Variants in FREM2 observed in about 807,000 individuals in gnomAD.
FREM2 encodes the protein FRAS1-related extracellular matrix protein 2.
A neutral mutation model predicts 219.9 loss-of-function variants in FREM2; 119 were observed. That is an observed-to-expected ratio of 0.54 (90% CI 0.47 to 0.63). The LOEUF is 0.63. Ranked by LOEUF, FREM2 falls within the 30% of genes least tolerant of loss-of-function variation. The pLI, the probability that FREM2 is intolerant of heterozygous loss-of-function variation, is 0.00. For synonymous variants in FREM2, 1,562 were observed against 1,522.8 expected (o/e 1.03, Z -0.60); for missense variants, 4,030 against 3,993.6 (o/e 1.01, Z -0.25).
chr13:38,706,555 A>G (rs1468753584), intron 2 of FREM2, among the ~76,000 whole-genome samples: 1 of 151,954 alleles, frequency 6.6e-6, no homozygotes, highest in South Asian at 2.1e-4. Flanking sequence ...GTGTGTATGT[A>G]GATACTCCTA....
intron 16 of FREM2, among the ~76,000 whole-genome samples, chr13:38,867,953 A>T (rs991952156): frequency 2.0e-5 from 3 of 152,178 alleles, no homozygotes; most frequent in Non-Finnish European, 4.4e-5. Context: ...ACTCTCATGG[A>T]CACACCCAGA....
At chr13:38,844,988 A>G (rs1877097940) in intron 6 of FREM2, among the ~76,000 whole-genome samples, 1 of 152,198 alleles carries the variant, frequency 6.6e-6, no homozygotes, top group African/African-American at 2.4e-5. Context: ...ACCTTCATCT[A>G]TACACATTAC....
intron 2 of FREM2, among the ~76,000 whole-genome samples, chr13:38,699,129 A>G (rs1008596892): frequency 1.3e-5 from 2 of 152,176 alleles, no homozygotes; most frequent in Admixed American, 1.3e-4. Context: ...TGTAACATAT[A>G]TAAAAATTTA....
At chr13:38,816,480 A>T (rs1425990415) in intron 6 of FREM2, among the ~76,000 whole-genome samples, 8 of 152,206 alleles carry the variant, frequency 5.3e-5, no homozygotes, top group Admixed American at 2.0e-4. Context: ...ATTATTTTTT[A>T]AAATATCATT....
chr13:38,777,855 C>T (rs1168821619), intron 4 of FREM2, among the ~76,000 whole-genome samples: 1 of 152,194 alleles, frequency 6.6e-6, no homozygotes, highest in South Asian at 2.1e-4. Context: ...GAAGTTAGGT[C>T]AACAGAAGAC....
chr13:38,850,064 A>G lies in FREM2; in HGVS notation c.6406A>G (p.Ile2136Val). The change falls in exon 9 of 24, where the codon ATA becomes GTA. Residue 2136 changes from isoleucine to valine, a missense_variant. Ile to Val is a conservative substitution (Grantham distance 29, BLOSUM62 3). This residue lies in a region of FREM2 where 3,102 missense variants were observed against 2,950.7 expected (regional missense o/e 1.05). Transcript: ENST00000280481. Reference sequence around the variant, plus strand: ...GCCTAAGATGCAATTCAAAGAACGAATATATACTGGCAGCGAAAGTGATGG... The same window carrying G: ...GCCTAAGATGCAATTCAAAGAACGAGTATATACTGGCAGCGAAAGTGATGG... ...DLPKMQFKER[I>V]YTGSESDGQI... 6.2e-7 allele frequency: 1 copy of G among 1,613,972 alleles called. No homozygotes were observed. Among genetic ancestry groups the G allele is most frequent in the Non-Finnish European group, 8.5e-7 (1 of 1,179,862 alleles).
In FREM2 at chr13:38,690,235, T is replaced by A. The variant is rs1221979051; in HGVS notation, c.2891T>A (p.Ile964Asn). 1.9e-6 allele frequency: 3 copies of A among 1,614,058 alleles called. No homozygotes were observed. Among genetic ancestry groups the A allele is most frequent in the Non-Finnish European group, 2.5e-6 (3 of 1,180,046 alleles). The change falls in exon 1 of 24, where the codon ATC becomes AAC. Residue 964 changes from isoleucine (I) to asparagine (N), a missense_variant. This residue lies in a region of FREM2 where 3,102 missense variants were observed against 2,950.7 expected (regional missense o/e 1.05). Coordinates refer to ENST00000280481, the MANE Select transcript of FREM2 (RefSeq NM_207361.6). Reference protein sequence around the residue: ...LDVLENGATEITANVIKGTNE... With the variant: ...LDVLENGATENTANVIKGTNE... ...GTCTTAGAAAATGGGGCTACTGAAA[T>A]CACTGCCAATGTTATTAAGGGGACC...
At chr13:38,794,932 G>T (rs1874710673) in intron 6 of FREM2, among the ~76,000 whole-genome samples, 1 of 152,034 alleles carries the variant, frequency 6.6e-6, no homozygotes, top group Non-Finnish European at 1.5e-5. Context: ...TTATGATATA[G>T]GTATAAGTAT....
At chr13:38,702,444 G>A (rs1870379212) in intron 2 of FREM2, among the ~76,000 whole-genome samples, 1 of 152,110 alleles carries the variant, frequency 6.6e-6, no homozygotes, top group Non-Finnish European at 1.5e-5. Flanking sequence ...TTCTTGTGTG[G>A]TATGAGATAA....
intron 15 of FREM2, 57 bp from the exon 16 acceptor site, chr13:38,864,218 T>C (rs1877865433): frequency 7.6e-7 from 1 of 1,312,512 alleles, no homozygotes; most frequent in African/African-American, 1.4e-5. Flanking sequence ...AGTTTTAAAG[T>C]GTTCAAAATT....
intron 4 of FREM2, among the ~76,000 whole-genome samples, chr13:38,770,189 A>G (rs577856177): frequency 2.6e-4 from 38 of 147,972 alleles, no homozygotes; most frequent in Non-Finnish European, 4.2e-4. Flanking sequence ...TAAATTATTT[A>G]CATATTTATA....
In FREM2 at chr13:38,880,650, A is replaced by G. The variant is rs747197325; in HGVS notation, c.9373A>G (p.Ile3125Val). The G allele has an allele frequency of 2.5e-6, 4 of 1,614,178 alleles. No homozygotes were observed. The highest frequency in any genetic ancestry group is 2.2e-5 in the South Asian group (2 of 91,072). Residue 3125 changes from isoleucine (I) to valine (V), a missense_variant, in exon 24 of 24, where the codon ATC (isoleucine) becomes GTC (valine). This residue lies in a region of FREM2 where 928 missense variants were observed against 1,042.9 expected (regional missense o/e 0.89). Coordinates refer to ENST00000280481, the MANE Select transcript of FREM2 (RefSeq NM_207361.6). ...AGGCACCACGGTAGGGTTACTCACC[A>G]TCTGCCTCACTGTCATTGCAGTGCT... The part of the protein sequence containing the change: ...VGGTTVGLLT[I>V]CLTVIAVLMC...
chr13:38,758,062 A>G (rs1873083271), intron 2 of FREM2, among the ~76,000 whole-genome samples: 1 of 152,174 alleles, frequency 6.6e-6, no homozygotes, highest in Admixed American at 6.5e-5. Context: ...TATTGGACTA[A>G]TCATTATTGA....
At chr13:38,847,775 C>T (rs916731553) in intron 7 of FREM2, among the ~76,000 whole-genome samples, 23 of 152,120 alleles carry the variant, frequency 1.5e-4, no homozygotes, top group Non-Finnish European at 2.8e-4. Flanking sequence ...CTGTTGCCCA[C>T]CACTGTCAAT....
intron 6 of FREM2, among the ~76,000 whole-genome samples, chr13:38,787,744 ATGT>A (rs1363348954): frequency 6.7e-6 from 1 of 149,318 alleles, no homozygotes; most frequent in Non-Finnish European, 1.5e-5. Context: ...TTATTTATTA[ATGT>A]TATTATTTAT....
chr13:38,857,796 C>T (rs1593449160), intron 12 of FREM2, 79 bp from the exon 13 acceptor site: 19 of 1,254,288 alleles, frequency 1.5e-5, no homozygotes, highest in East Asian at 9.3e-5. Flanking sequence ...TGCCAGGGAT[C>T]GTGAGTATTG....
At chr13:38,726,740 G>A (rs1871541789) in intron 2 of FREM2, among the ~76,000 whole-genome samples, 1 of 152,212 alleles carries the variant, frequency 6.6e-6, no homozygotes, top group Admixed American at 6.5e-5. Context: ...TGCAGCTGTT[G>A]TCTTCCCAAC....
intron 2 of FREM2, among the ~76,000 whole-genome samples, chr13:38,743,668 A>G (rs1872341090): frequency 6.6e-6 from 1 of 152,160 alleles, no homozygotes. Context: ...GCTGTTGATA[A>G]TTGTGCTCTG....
intron 12 of FREM2, among the ~76,000 whole-genome samples, chr13:38,856,720 A>G (rs4536338): frequency 0.22 from 31,435 of 144,540 alleles, 5,331 homozygotes; most frequent in African/African-American, 0.44. Context: ...CCACAGCCTC[A>G]TGATCAAAAT....
Sources: gnomAD v4.1 joint callset for allele counts (sites outside exome capture counted in the v4.1 genomes callset) on GRCh38, gnomAD v4.1.1 for gene constraint, gnomAD v4.1.1 regional missense constraint, MANE v1.5 for transcripts, NCBI Gene and HGNC (gene_info 2026-07-23, HGNC 2026-07-21) for gene names.